The following RAB3B variants were observed in gnomAD, a reference collection of about 807,000 sequenced individuals.
The protein encoded by RAB3B is RAB3B, member RAS oncogene family, also known as ras-related protein Rab-3B.
RAB3B carries 11 observed loss-of-function variants against 20.5 expected under a neutral mutation model. That is an observed-to-expected ratio of 0.54 (90% CI 0.34 to 0.89). The LOEUF (loss-of-function observed/expected upper bound fraction) is 0.89. Ranked by LOEUF, RAB3B falls within the 40% of genes least tolerant of loss-of-function variation. The probability of loss-of-function intolerance (pLI) is 0.02; values close to 1 mark genes in which losing one functional copy is unlikely to be tolerated. For missense variants in RAB3B, 225 were observed against 280.9 expected, an observed-to-expected ratio of 0.80 and a Z score of 1.42; for synonymous variants, 99 against 106.3, an observed-to-expected ratio of 0.93 and a Z score of 0.42.
chr1:51,971,010 C>CAAAAAA (rs3074914), intron 2 of RAB3B, among the ~76,000 whole-genome samples: 5 of 55,702 alleles, frequency 9.0e-5, no homozygotes, highest in South Asian at 6.9e-4. Flanking sequence ...GACTCCGTCT[C>CAAAAAA]AAAAAAAAAA....
chr1:51,959,228 TG>T (rs1684753233), intron 2 of RAB3B, among the ~76,000 whole-genome samples: 1 of 151,696 alleles, frequency 6.6e-6, no homozygotes, highest in African/African-American at 2.4e-5. Context: ...TGATAGAAAA[TG>T]GGGGAGGAGG....
rs1334557777 is a variant in RAB3B, at chr1:51,918,068, C to G, written c.*1859G>C. 6.6e-6 allele frequency: 1 copy of G among 152,158 alleles called. No individual in the cohort carries two copies. The highest frequency in any genetic ancestry group is 6.6e-5 in the Admixed American group (1 of 15,266). The allele number at this position is 152,158 out of a possible 1,614,324, so 9.4% of individuals were successfully genotyped here. On this transcript the variant is annotated 3_prime_UTR_variant, in exon 5 of 5. Transcript: ENST00000371655. ...GCCAAAACAAAATATGTCCCTGTGG[C>G]CAAGCAAGCTAGAATAATGAGCTAA...
At chr1:51,969,745 G>A (rs1684903309) in intron 2 of RAB3B, among the ~76,000 whole-genome samples, 1 of 152,100 alleles carries the variant, frequency 6.6e-6, no homozygotes, top group Non-Finnish European at 1.5e-5. Flanking sequence ...ACGATTTGTT[G>A]AGTGTTTACT....
chr1:51,922,790 G>C (rs927292214), intron 4 of RAB3B, among the ~76,000 whole-genome samples: 3 of 151,864 alleles, frequency 2.0e-5, no homozygotes, highest in Non-Finnish European at 4.4e-5. Flanking sequence ...TCTGCCTCCC[G>C]GGTTCAAGCG....
intron 1 of RAB3B, among the ~76,000 whole-genome samples, chr1:51,986,299 C>T (rs1283940905): frequency 3.3e-5 from 5 of 151,970 alleles, no homozygotes; most frequent in East Asian, 3.9e-4. Flanking sequence ...TACAGACACC[C>T]GCCACCATAC....
chr1:51,912,554 A>AT lies in RAB3B; in HGVS notation c.*7372_*7373insA, dbSNP rs1553226899. ...AGACCGTCTCTATTAAAAAAAAAAAAATATATATATATATATATATATATA... is the reference window on the plus strand; with the variant it reads ...AGACCGTCTCTATTAAAAAAAAAAAATATATATATATATATATATATATATA... On this transcript the variant is annotated 3_prime_UTR_variant, in exon 5 of 5. Coordinates refer to ENST00000371655, the MANE Select transcript of RAB3B (RefSeq NM_002867.4). The AT allele has an allele frequency of 7.1e-4, 11 of 15,492 alleles. No individual in the cohort carries two copies. The highest frequency in any genetic ancestry group is 8.8e-4 in the Non-Finnish European group (6 of 6,820). The allele number at this position is 15,492 out of a possible 1,614,324, so 1.0% of individuals were successfully genotyped here. A position where few individuals can be genotyped will look rare whatever the true frequency, so the allele number is the denominator to read the frequency against.
intron 2 of RAB3B, among the ~76,000 whole-genome samples, chr1:51,948,916 G>A (rs1327979477): frequency 6.6e-6 from 1 of 152,226 alleles, no homozygotes; most frequent in Non-Finnish European, 1.5e-5. Flanking sequence ...GGGCCAGAGT[G>A]TTCCAATAAA....
chr1:51,953,031 C>A (rs1012024997), intron 2 of RAB3B, among the ~76,000 whole-genome samples: 2 of 152,172 alleles, frequency 1.3e-5, no homozygotes, highest in African/African-American at 4.8e-5. Flanking sequence ...TTAATTATGA[C>A]CTATTTCATT....
chr1:51,959,772 AACAAATGTACCAT>A (rs1262780256), intron 2 of RAB3B, among the ~76,000 whole-genome samples: 14 of 152,374 alleles, frequency 9.2e-5, no homozygotes, highest in African/African-American at 2.2e-4. Flanking sequence ...GGTTAATTAT[AACAAATGTACCAT>A]ACTAATGTAC....
In RAB3B at chr1:51,977,112, A is replaced by C. The variant is rs1478369519; in HGVS notation, c.6T>G (p.Ala2=). The C allele has an allele frequency of 1.2e-6, 2 of 1,613,942 alleles. No individual in the cohort carries two copies. The highest frequency in any genetic ancestry group is 2.2e-5 in the South Asian group (2 of 91,070). Residue 2 remains alanine (A), a synonymous_variant, in exon 2 of 5, where the codon GCT becomes GCG. Transcript: ENST00000371655. The stretch of plus-strand genomic sequence containing the variant: ...CTCCAGTTTTACCATCTGTCACTGA[A>C]GCCATCTGCAAGAGAGACCTAGAGT... M[A]SVTDGKTGVK... is the part of the protein sequence containing the mutation.
In RAB3B at chr1:51,973,690, C is replaced by T. The variant is rs1684967216; in HGVS notation, c.228+3200G>A. 2.0e-5 allele frequency among the ~76,000 whole-genome samples: 3 copies of T among 152,290 alleles called. No homozygotes were observed. In the South Asian group the frequency reaches 6.2e-4, roughly 32 times the overall value. On this transcript the variant is annotated intron_variant, in intron 2 of 4. Transcript: ENST00000371655. The stretch of plus-strand genomic sequence containing the variant: ...TAGGACTCTTTAAAAGCCACATATC[C>T]ATTATGAGGTTTCATTTAGTTAAAA...
intron 2 of RAB3B, among the ~76,000 whole-genome samples, chr1:51,950,640 C>A (rs530245487): frequency 6.6e-6 from 1 of 152,232 alleles, no homozygotes; most frequent in East Asian, 1.9e-4. Context: ...AGAGGTCACA[C>A]AAAAAGTGAG....
At chr1:51,966,291 A>G (rs945353513) in intron 2 of RAB3B, among the ~76,000 whole-genome samples, 1 of 152,214 alleles carries the variant, frequency 6.6e-6, no homozygotes, top group African/African-American at 2.4e-5. Flanking sequence ...TCCCAGGTGG[A>G]GGTAGCTGTT....
chr1:51,968,397 CT>C (rs1418584174), intron 2 of RAB3B, among the ~76,000 whole-genome samples: 2 of 152,200 alleles, frequency 1.3e-5, no homozygotes, highest in Non-Finnish European at 2.9e-5. Context: ...GGAAAAGTCT[CT>C]TGATATCCTA....
chr1:51,933,920 G>A (rs1684361543), intron 3 of RAB3B, among the ~76,000 whole-genome samples: 2 of 152,148 alleles, frequency 1.3e-5, no homozygotes, highest in African/African-American at 4.8e-5. Context: ...ATTCAGCTGA[G>A]GACAGACAGA....
chr1:51,973,608 T>A (rs1684966022), intron 2 of RAB3B: 1 of 152,238 alleles, frequency 6.6e-6, no homozygotes, highest in Admixed American at 6.5e-5. Flanking sequence ...ATTTTCTTTA[T>A]GCTCACTTGG....
chr1:51,951,164 G>GT (rs1189234176), intron 2 of RAB3B, among the ~76,000 whole-genome samples: 1 of 143,278 alleles, frequency 7.0e-6, no homozygotes, highest in Non-Finnish European at 1.5e-5. Flanking sequence ...TTCAACTTTT[G>GT]TTTTAGGTTC....
chr1:51,937,996 C>CTTT (rs77664152), intron 2 of RAB3B, among the ~76,000 whole-genome samples: 7 of 88,720 alleles, frequency 7.9e-5, no homozygotes, highest in South Asian at 4.1e-4. Context: ...ATTTTTGTTT[C>CTTT]TTTTTTTTTT....
intron 3 of RAB3B, among the ~76,000 whole-genome samples, chr1:51,935,607 G>A (rs760517654): frequency 6.6e-6 from 1 of 152,128 alleles, no homozygotes; most frequent in South Asian, 2.1e-4. Context: ...TCGTCACCAG[G>A]TGTTAAAGTC....
Sources: allele counts gnomAD v4.1 joint callset (sites outside exome capture counted in the v4.1 genomes callset), GRCh38; gene constraint gnomAD v4.1.1; transcripts MANE v1.5; gene names NCBI Gene and HGNC (gene_info 2026-07-23, HGNC 2026-07-21).